Variants in TTC19 observed in about 807,000 individuals in gnomAD.
The protein encoded by TTC19 is tetratricopeptide repeat protein 19, mitochondrial.
In TTC19, 38 loss-of-function variants were observed where a neutral mutation model predicts 49.5. The observed-to-expected ratio is 0.77, with a 90% CI of 0.59 to 1.01. The LOEUF (loss-of-function observed/expected upper bound fraction) is 1.01. TTC19 is among the 50% of genes least tolerant of loss of function. TTC19 has a pLI of 0.00. For missense variants in TTC19, 475 were observed against 477.7 expected (o/e 0.99, Z 0.05); for synonymous variants, 204 against 185.2 (o/e 1.10, Z -0.83).
intron 7 of TTC19, among the ~76,000 whole-genome samples, chr17:16,010,167 A>ATTTTTTTTT (rs1201745186): frequency 2.7e-4 from 29 of 108,198 alleles, no homozygotes; most frequent in Non-Finnish European, 3.9e-4. Flanking sequence ...TTAATTTTTA[A>ATTTTTTTTT]TTTTTTTTTT....
chr17:16,024,690 T>A, intron 7 of TTC19: 1 of 348,086 alleles, frequency 2.9e-6, no homozygotes, highest in South Asian at 2.5e-5. Flanking sequence ...ATTGTTTTTC[T>A]TATACCATAC....
intron 2 of TTC19, chr17:16,044,467 AG>A (rs1296451425): frequency 2.1e-6 from 1 of 473,106 alleles, no homozygotes; most frequent in Non-Finnish European, 4.4e-6. Context: ...AGTAGATGGT[AG>A]ATCACAGAAA....
chr17:16,021,611 T>C (rs1971387534), intron 7 of TTC19, among the ~76,000 whole-genome samples: 3 of 151,680 alleles, frequency 2.0e-5, no homozygotes, highest in Admixed American at 6.6e-5. Context: ...TGGGAGAGAA[T>C]AGGCCAAGTG....
intron 7 of TTC19, among the ~76,000 whole-genome samples, chr17:16,022,125 T>C (rs1340291095): frequency 6.6e-6 from 1 of 152,114 alleles, no homozygotes; most frequent in African/African-American, 2.4e-5. Flanking sequence ...GGTTTATGCA[T>C]TGGCTTCAGA....
At chr17:16,000,491 CACGCTTT>C in intron 2 of TTC19, 1 of 1,138,224 alleles carries the variant, frequency 8.8e-7, no homozygotes, top group Non-Finnish European at 1.2e-6. Context: ...CCCTAGGCAT[CACGCTTT>C]ATGCAAACGA....
At position 16,015,802 on chromosome 17, in the gene TTC19, C is replaced by T. The variant is rs533696358; in HGVS notation, c.677-9215C>T. ...ATACTCCAGGACTATGACCAGTACT[C>T]ATTAGGCACTATTATATAAGAGTTT... On this transcript the variant is annotated intron_variant, in intron 7 of 9. Coordinates refer to ENST00000261647, the MANE Select transcript of TTC19 (RefSeq NM_017775.4). 1.2e-4 allele frequency among the ~76,000 whole-genome samples: 18 copies of T among 152,218 alleles called. No individual in the cohort carries two copies. The South Asian group carries it at 2.7e-3, about 23-fold the overall frequency.
chr17:16,021,811 T>A (rs1031946186), intron 7 of TTC19, among the ~76,000 whole-genome samples: 1 of 152,214 alleles, frequency 6.6e-6, no homozygotes, highest in African/African-American at 2.4e-5. Flanking sequence ...TGAATTGTCA[T>A]GTTTACTAAT....
At chr17:16,032,215 G>A, downstream of TTC19, 3 of 1,410,802 alleles carry the variant, frequency 2.1e-6, no homozygotes. Context: ...AGGAGGGCAG[G>A]TTTTTGACCT....
intron 7 of TTC19, chr17:16,023,436 A>G (rs1003817965): frequency 1.3e-5 from 2 of 152,194 alleles, no homozygotes; most frequent in African/African-American, 2.4e-5. Flanking sequence ...TAGTATATCA[A>G]CTTTGGAAAC....
At chr17:16,039,407 GA>G in intron 2 of TTC19, 1 of 1,603,022 alleles carries the variant, frequency 6.2e-7, no homozygotes, top group Non-Finnish European at 8.5e-7. Flanking sequence ...AAAAGCAGCA[GA>G]AAAGCACTAA....
In TTC19 at chr17:16,027,147, T is replaced by C. The variant is rs563947804; in HGVS notation, c.995-227T>C. The C allele has an allele frequency of 3.8e-5, 22 of 573,806 alleles. No individual in the cohort carries two copies. In the African/African-American group the frequency reaches 4.1e-4, roughly 11 times the overall value. 35.5% of individuals were successfully genotyped at this position (573,806 alleles called of 1,614,324 possible). ...ACACATACCACCATTCATGAAATCT[T>C]GGGCTCATCAAAGTCCTCAGGATAT... On this transcript the variant is annotated intron_variant, in intron 9 of 9. Transcript: ENST00000261647.
chr17:16,027,247 G>A, intron 9 of TTC19, 127 bp from the exon 10 acceptor site: 1 of 1,087,580 alleles, frequency 9.2e-7, no homozygotes, highest in Non-Finnish European at 1.4e-6. Context: ...AAATGAGGCA[G>A]CACCAGCTTG....
chr17:16,017,774 A>G (rs545489106), intron 7 of TTC19, among the ~76,000 whole-genome samples: 1 of 152,362 alleles, frequency 6.6e-6, no homozygotes, highest in East Asian at 1.9e-4. Context: ...ACAACAAAAC[A>G]AAACAAATTA....
chr17:16,028,684 T>C lies in TTC19; in HGVS notation c.*1162T>C, dbSNP rs2151691227. On this transcript the variant is annotated 3_prime_UTR_variant, in exon 10 of 10. Transcript: ENST00000261647. ...TGAAGGAAGATTGACCCTGTTGGTA[T>C]GCCTGTGGGGGTGGGATGTGAGTGG... 2.2e-6 allele frequency: 1 copy of C among 453,818 alleles called. No individual in the cohort carries two copies. Among genetic ancestry groups the C allele is most frequent in the African/African-American group, 2.0e-5 (1 of 50,034 alleles). 28.1% of individuals were successfully genotyped at this position (453,818 alleles called of 1,614,324 possible).
At chr17:16,032,650 C>A (rs1314730442), downstream of TTC19, among the ~76,000 whole-genome samples, 2 of 152,170 alleles carry the variant, frequency 1.3e-5, no homozygotes. Flanking sequence ...CCACTTAAAT[C>A]CTAGCCAATG....
At chr17:16,036,229 G>A (rs566266025) in intron 2 of TTC19, among the ~76,000 whole-genome samples, 1 of 152,272 alleles carries the variant, frequency 6.6e-6, no homozygotes, top group African/African-American at 2.4e-5. Context: ...GTGACTAAGT[G>A]GATTGTTAAT....
At chr17:16,010,760 C>T (rs899298708) in intron 7 of TTC19, among the ~76,000 whole-genome samples, 2 of 152,252 alleles carry the variant, frequency 1.3e-5, no homozygotes, top group Admixed American at 6.5e-5. Flanking sequence ...GCATGAGCCA[C>T]TGTGCCCGGC....
chr17:16,030,820 G>C (rs188146077), downstream of TTC19: 31 of 184,056 alleles, frequency 1.7e-4, 2 homozygotes, highest in African/African-American at 7.3e-4. Context: ...TGATAGGAGG[G>C]TCTTGGTCAG....
At chr17:16,021,223 T>C (rs769270775) in intron 7 of TTC19, among the ~76,000 whole-genome samples, 8 of 151,952 alleles carry the variant, frequency 5.3e-5, no homozygotes, top group Non-Finnish European at 1.0e-4. Context: ...CCGTCTCTAA[T>C]AAAAATACAA....
Sources: allele counts gnomAD v4.1 joint callset (sites outside exome capture counted in the v4.1 genomes callset), GRCh38; gene constraint gnomAD v4.1.1; transcripts MANE v1.5; gene names NCBI Gene and HGNC (gene_info 2026-07-23, HGNC 2026-07-21).